ARHGAP15: variants seen among roughly 807,000 people sequenced by gnomAD.
ARHGAP15 encodes Rho GTPase activating protein 15, also known as rho GTPase-activating protein 15.
Under a neutral mutation model 63.7 loss-of-function variants are expected in ARHGAP15, and 51 were observed. The ratio of observed to expected loss-of-function variants is 0.80; its 90% CI spans 0.64 to 1.01. The LOEUF (loss-of-function observed/expected upper bound fraction) is 1.01, where lower values mean the gene tolerates loss of function less well. Among genes scored for constraint, ARHGAP15 ranks in the 50% least tolerant of loss-of-function variants. The pLI, the probability that ARHGAP15 is intolerant of heterozygous loss-of-function variation, is 0.00. For synonymous variants in ARHGAP15, 191 were observed against 193.8 expected (o/e 0.99, Z 0.12); for missense variants, 560 against 564.6 (o/e 0.99, Z 0.08).
chr2:143,620,981 C>A (rs567620849), intron 11 of ARHGAP15, among the ~76,000 whole-genome samples: 89 of 152,286 alleles, frequency 5.8e-4, no homozygotes, highest in South Asian at 1.7e-3. Flanking sequence ...GTTCCCTGAC[C>A]ACCTATGGTA....
intron 8 of ARHGAP15, among the ~76,000 whole-genome samples, chr2:143,438,822 G>A (rs1307376946): frequency 2.0e-5 from 3 of 152,110 alleles, no homozygotes; most frequent in Admixed American, 2.0e-4. Flanking sequence ...TAGACATTCT[G>A]TAGTACATAT....
At chr2:143,548,945 T>C (rs538968158) in intron 10 of ARHGAP15, among the ~76,000 whole-genome samples, 1 of 151,828 alleles carries the variant, frequency 6.6e-6, no homozygotes, top group Non-Finnish European at 1.5e-5. Flanking sequence ...AAAGGAGAAT[T>C]GAAAAATGCA....
At chr2:143,551,953 TCTC>T (rs1430035390) in intron 10 of ARHGAP15, among the ~76,000 whole-genome samples, 1 of 152,168 alleles carries the variant, frequency 6.6e-6, no homozygotes, top group African/African-American at 2.4e-5. Context: ...CACCAGAGCT[TCTC>T]ATGTTTAGCT....
At chr2:143,220,594 C>T (rs1558822196) in intron 4 of ARHGAP15, among the ~76,000 whole-genome samples, 1 of 152,152 alleles carries the variant, frequency 6.6e-6, no homozygotes, top group Non-Finnish European at 1.5e-5. Flanking sequence ...TCTTAGTATG[C>T]ACTGCCATAT....
intron 6 of ARHGAP15, among the ~76,000 whole-genome samples, chr2:143,315,679 A>G (rs1683669586): frequency 6.6e-6 from 1 of 152,212 alleles, no homozygotes; most frequent in Admixed American, 6.5e-5. Flanking sequence ...AATACCACCA[A>G]TAAGGACACC....
chr2:143,590,350 A>T (rs975062101), intron 11 of ARHGAP15, among the ~76,000 whole-genome samples: 1 of 152,156 alleles, frequency 6.6e-6, no homozygotes, highest in African/African-American at 2.4e-5. Context: ...TACCTTGTTT[A>T]GTTGTCCTGT....
intron 1 of ARHGAP15, among the ~76,000 whole-genome samples, chr2:143,153,846 C>CTCTTCCTCT: frequency 1.7e-5 from 1 of 57,272 alleles, no homozygotes; most frequent in South Asian, 7.7e-4. Context: ...CTTCTTCTTC[C>CTCTTCCTCT]TCCTCCTCCT....
At chr2:143,318,964 C>T (rs1027711511) in intron 6 of ARHGAP15, among the ~76,000 whole-genome samples, 1 of 152,104 alleles carries the variant, frequency 6.6e-6, no homozygotes, top group Non-Finnish European at 1.5e-5. Flanking sequence ...TATCTTATAG[C>T]AATGAACCTC....
At position 143,548,531 on chromosome 2, in the gene ARHGAP15, T is replaced by C. The variant is rs537312187; in HGVS notation, c.926-7877T>C. On this transcript the variant is annotated intron_variant, in intron 10 of 13. Coordinates refer to ENST00000295095, the MANE Select transcript of ARHGAP15 (RefSeq NM_018460.4). ...CTTAGAAACGAAAAAAAAAAATCCT[T>C]CTCTTAGTGACCTCTTTTTAGTCTA... Among the ~76,000 whole-genome samples the C allele has an allele frequency of 4.0e-3, 605 of 152,096 alleles. 2 individuals carry two copies. The highest frequency in any genetic ancestry group is 0.014 in the African/African-American group (583 of 41,532).
chr2:143,518,002 A>C (rs574495134), intron 9 of ARHGAP15, among the ~76,000 whole-genome samples: 2 of 152,302 alleles, frequency 1.3e-5, no homozygotes, highest in South Asian at 2.1e-4. Flanking sequence ...TTTCATTCTG[A>C]GTGAAATGGG....
intron 6 of ARHGAP15, among the ~76,000 whole-genome samples, chr2:143,387,097 C>T (rs780703822): frequency 2.0e-5 from 3 of 151,964 alleles, no homozygotes; most frequent in Non-Finnish European, 4.4e-5. Context: ...AACAAACTGC[C>T]GTGACACAAG....
intron 12 of ARHGAP15, among the ~76,000 whole-genome samples, chr2:143,626,675 C>A (rs1452987031): frequency 3.9e-5 from 6 of 152,108 alleles, no homozygotes; most frequent in Non-Finnish European, 2.9e-5. Flanking sequence ...CGATTGGCTA[C>A]TTTTAGAATC....
intron 13 of ARHGAP15, among the ~76,000 whole-genome samples, chr2:143,737,726 T>C (rs887873475): frequency 1.4e-5 from 2 of 146,704 alleles, no homozygotes; most frequent in Non-Finnish European, 3.0e-5. Context: ...AACCTATTTA[T>C]TTTATTTATT....
At position 143,145,940 on chromosome 2, in the gene ARHGAP15, A is replaced by T. The variant is rs1315556919; in HGVS notation, c.-14-9537A>T. 3.3e-5 allele frequency among the ~76,000 whole-genome samples: 5 copies of T among 151,438 alleles called. No individual in the cohort carries two copies. In the East Asian group the frequency reaches 9.7e-4, roughly 29 times the overall value. ...CATATGGAATATATATATATCTCAC[A>T]CCAAACACAAACATTATTTCCAGAT... On this transcript the variant is annotated intron_variant, in intron 1 of 13. Transcript: ENST00000295095.
chr2:143,762,771 A>C (rs1295049540), intron 13 of ARHGAP15, among the ~76,000 whole-genome samples: 8 of 152,192 alleles, frequency 5.3e-5, no homozygotes. Context: ...TCCAAGAAGA[A>C]AAAGTGGCAC....
chr2:143,433,107 A>G lies in ARHGAP15; in HGVS notation c.475-2494A>G, dbSNP rs754454087. ...TTTACTGATGTCTTTTTTCCCCAAG[A>G]GTGTTGGAAATTCGATTGTTCAAAG... On this transcript the variant is annotated intron_variant, in intron 6 of 13. Transcript: ENST00000295095. Among the ~76,000 whole-genome samples the G allele has an allele frequency of 2.0e-5, 3 of 151,986 alleles. No homozygotes were observed. The East Asian group carries it at 5.8e-4, about 29-fold the overall frequency.
Position 143,330,108 on chromosome 2 carries a change from A to T in ARHGAP15, c.474+79508A>T, listed in dbSNP as rs1156968699. On this transcript the variant is annotated intron_variant, in intron 6 of 13. Coordinates refer to ENST00000295095, the MANE Select transcript of ARHGAP15 (RefSeq NM_018460.4). ...AGGCTCTGTCTCAAAAAAAAAAAAA[A>T]AAAAAAAAAAAAAAAAAAAAAAACC... Among the ~76,000 whole-genome samples the T allele has an allele frequency of 4.8e-4, 40 of 82,766 alleles. 6 individuals carry two copies. Among genetic ancestry groups the T allele is most frequent in the African/African-American group, 1.1e-3 (25 of 21,808 alleles). The allele number at this position is 82,766 out of a possible 152,430, so 54.3% of individuals were successfully genotyped here.
intron 6 of ARHGAP15, among the ~76,000 whole-genome samples, chr2:143,430,611 A>G (rs1310461992): frequency 6.6e-6 from 1 of 152,006 alleles, no homozygotes; most frequent in African/African-American, 2.4e-5. Flanking sequence ...TCATGTGTAT[A>G]TTTTCTGCTG....
chr2:143,378,716 C>T (rs1432484853), intron 6 of ARHGAP15, among the ~76,000 whole-genome samples: 1 of 152,026 alleles, frequency 6.6e-6, no homozygotes, highest in East Asian at 1.9e-4. Context: ...CCACTGCCAT[C>T]CTCTAGCAGA....
Sources: gnomAD v4.1 joint callset for allele counts (sites outside exome capture counted in the v4.1 genomes callset) on GRCh38, gnomAD v4.1.1 for gene constraint, MANE v1.5 for transcripts, NCBI Gene and HGNC (gene_info 2026-07-23, HGNC 2026-07-21) for gene names.